The following KIAA1217 variants were observed in gnomAD, a reference collection of about 807,000 sequenced individuals.
KIAA1217 encodes KIAA1217.
Under a neutral mutation model 163.9 loss-of-function variants are expected in KIAA1217, and 88 were observed. That is an observed-to-expected ratio of 0.54 (90% CI 0.45 to 0.64). KIAA1217 has a LOEUF of 0.64. Among genes scored for constraint, KIAA1217 ranks in the 30% least tolerant of loss-of-function variants. KIAA1217 has a pLI of 0.00. For synonymous variants in KIAA1217, 903 were observed against 923.1 expected, an observed-to-expected ratio of 0.98 and a Z score of 0.39; for missense variants, 2,372 against 2,475.0, an observed-to-expected ratio of 0.96 and a Z score of 0.88.
chr10:24,370,664 C>A (rs1166243083), intron 2 of KIAA1217, among the ~76,000 whole-genome samples: 2 of 152,220 alleles, frequency 1.3e-5, no homozygotes, highest in East Asian at 3.9e-4. Context: ...CTCACTGCAG[C>A]CTTGAACTGC....
intron 2 of KIAA1217, among the ~76,000 whole-genome samples, chr10:24,364,364 A>C (rs918736498): frequency 6.6e-6 from 1 of 152,228 alleles, no homozygotes; most frequent in Non-Finnish European, 1.5e-5. Flanking sequence ...TTGATTTAGC[A>C]GGTATATGTG....
intron 1 of KIAA1217, among the ~76,000 whole-genome samples, chr10:23,701,553 A>G (rs1465890057): frequency 6.6e-6 from 1 of 152,218 alleles, no homozygotes; most frequent in Non-Finnish European, 1.5e-5. Context: ...CTGAACCAGC[A>G]AAGTTTAGCT....
At chr10:23,726,969 G>A (rs1056340989) in intron 1 of KIAA1217, among the ~76,000 whole-genome samples, 1 of 130,236 alleles carries the variant, frequency 7.7e-6, no homozygotes, top group African/African-American at 3.0e-5. Flanking sequence ...CATGCCATTT[G>A]TATAGGCCTC....
rs1252913786 is a variant in KIAA1217, at chr10:24,133,548, G to A, written c.-170-86078G>A. The stretch of plus-strand genomic sequence containing the variant: ...GACTGCACTATTACACTCCAGCCTG[G>A]GCGACAGAGCGAGACTGTGTCTCAA... On this transcript the variant is annotated intron_variant, in intron 2 of 18. Coordinates refer to the KIAA1217 transcript ENST00000376462. Among the ~76,000 whole-genome samples the A allele has an allele frequency of 4.0e-5, 6 of 151,472 alleles. No individual in the cohort carries two copies. In the South Asian group the frequency reaches 6.3e-4, roughly 16 times the overall value.
At chr10:23,855,458 C>G (rs944062562) in intron 1 of KIAA1217, among the ~76,000 whole-genome samples, 4 of 152,142 alleles carry the variant, frequency 2.6e-5, no homozygotes, top group African/African-American at 7.2e-5. Context: ...TTTTTTCCTT[C>G]ATTTCAACTT....
chr10:24,001,590 C>A (rs1163463551), intron 1 of KIAA1217, among the ~76,000 whole-genome samples: 1 of 152,102 alleles, frequency 6.6e-6, no homozygotes, highest in Non-Finnish European at 1.5e-5. Flanking sequence ...ATTTTTATTA[C>A]CATCATTATC....
intron 1 of KIAA1217, among the ~76,000 whole-genome samples, chr10:23,863,226 A>T (rs1840036695): frequency 6.6e-6 from 1 of 152,178 alleles, no homozygotes; most frequent in Non-Finnish European, 1.5e-5. Context: ...CACTCAATGC[A>T]TATTAACGAT....
chr10:24,134,514 C>T (rs538911025), intron 2 of KIAA1217, among the ~76,000 whole-genome samples: 2 of 152,164 alleles, frequency 1.3e-5, no homozygotes, highest in African/African-American at 4.8e-5. Context: ...CTGACCTTCA[C>T]AGTAGGTAGT....
At chr10:24,293,489 T>A (rs1200561023) in intron 2 of KIAA1217, among the ~76,000 whole-genome samples, 3 of 152,232 alleles carry the variant, frequency 2.0e-5, no homozygotes, top group African/African-American at 7.2e-5. Flanking sequence ...TTAGCATCTT[T>A]ACACACAGGA....
intron 3 of KIAA1217, among the ~76,000 whole-genome samples, chr10:24,390,475 GGGAAGGAAGGAAGGAAGGAAGGAA>G (rs71397945): frequency 6.5e-5 from 7 of 107,162 alleles, no homozygotes; most frequent in Non-Finnish European, 1.1e-4. Context: ...GAGGGAGGGA[GGGAAGGAAGGAAGGAAGGAAGGAA>G]GGAAGGAAGG....
chr10:23,837,381 C>T lies in KIAA1217; in HGVS notation c.-321+142147C>T, dbSNP rs149170248. On this transcript the variant is annotated intron_variant, in intron 1 of 18. Transcript: ENST00000376462. ...CCTTCTTCCCGGATGACTTCAATGT[C>T]CAGAGAAATGGTTCATTCAAGACCT... Among the ~76,000 whole-genome samples the T allele has an allele frequency of 2.0e-5, 3 of 152,290 alleles. No individual in the cohort carries two copies. The East Asian group carries it at 5.8e-4, about 29-fold the overall frequency.
At chr10:24,524,964 AGG>A (rs2071872052) in intron 13 of KIAA1217, among the ~76,000 whole-genome samples, 200 bp downstream of exon 13, 2 of 132,150 alleles carry the variant, frequency 1.5e-5, no homozygotes, top group African/African-American at 6.9e-5. Context: ...CCTGGCCTGT[AGG>A]AAGGTGAGAC....
chr10:23,901,728 T>C (rs1280956189), intron 1 of KIAA1217, among the ~76,000 whole-genome samples: 1 of 151,662 alleles, frequency 6.6e-6, no homozygotes, highest in Non-Finnish European at 1.5e-5. Context: ...GCCAAAATGG[T>C]GAAACCTGCC....
At chr10:23,766,240 G>C (rs1048614633) in intron 1 of KIAA1217, among the ~76,000 whole-genome samples, 3 of 152,174 alleles carry the variant, frequency 2.0e-5, no homozygotes, top group African/African-American at 7.2e-5. Context: ...GTCACTAGTG[G>C]CATGGTAGAG....
chr10:23,902,431 A>C (rs533826117), intron 1 of KIAA1217, among the ~76,000 whole-genome samples: 2 of 152,040 alleles, frequency 1.3e-5, no homozygotes, highest in Non-Finnish European at 2.9e-5. Flanking sequence ...ATGGGCCACA[A>C]ATTCATCCCC....
At chr10:24,093,406 C>T (rs976695622) in intron 2 of KIAA1217, among the ~76,000 whole-genome samples, 17 of 151,166 alleles carry the variant, frequency 1.1e-4, no homozygotes, top group Admixed American at 2.0e-4. Context: ...TCCTGATCTC[C>T]GATGATCCAC....
At chr10:24,133,300 C>T (rs551499581) in intron 2 of KIAA1217, among the ~76,000 whole-genome samples, 19 of 152,192 alleles carry the variant, frequency 1.2e-4, no homozygotes, top group East Asian at 7.7e-4. Context: ...TGGCTAGGCA[C>T]GGTGTCTCAT....
chr10:23,866,825 A>C (rs915128063), intron 1 of KIAA1217, among the ~76,000 whole-genome samples: 3 of 151,774 alleles, frequency 2.0e-5, no homozygotes, highest in Non-Finnish European at 4.4e-5. Context: ...TCTCAGGACA[A>C]TTTTCTTTTT....
At chr10:24,497,839 G>A (rs777166921) in intron 8 of KIAA1217, among the ~76,000 whole-genome samples, 1 of 151,884 alleles carries the variant, frequency 6.6e-6, no homozygotes, top group Non-Finnish European at 1.5e-5. Context: ...GGGCAGGGTG[G>A]GAGGGGATGA....
Sources: allele counts gnomAD v4.1 joint callset (sites outside exome capture counted in the v4.1 genomes callset), GRCh38; gene constraint gnomAD v4.1.1; transcripts MANE v1.5; gene names NCBI Gene and HGNC (gene_info 2026-07-23, HGNC 2026-07-21).